Variants in AUTS2 observed in about 807,000 individuals in gnomAD.
AUTS2 encodes the protein autism susceptibility gene 2 protein.
AUTS2 carries 17 observed loss-of-function variants against 112.4 expected under a neutral mutation model. That is an observed-to-expected ratio of 0.15 (90% confidence interval 0.10 to 0.23). The LOEUF is 0.23. Ranked by LOEUF, AUTS2 falls within the 10% of genes least tolerant of loss-of-function variation. The probability of loss-of-function intolerance (pLI) is 1.00; values close to 1 mark genes in which losing one functional copy is unlikely to be tolerated. For synonymous variants in AUTS2, 751 were observed against 702.7 expected, an observed-to-expected ratio of 1.07 and a Z score of -1.09; for missense variants, 1,510 against 1,701.6, an observed-to-expected ratio of 0.89 and a Z score of 1.98.
chr7:70,421,225 T>C (rs1795206213), intron 4 of AUTS2, among the ~76,000 whole-genome samples: 1 of 152,216 alleles, frequency 6.6e-6, no homozygotes, highest in African/African-American at 2.4e-5. Context: ...AACATAATTT[T>C]TTAGTAAAAC....
intron 4 of AUTS2, among the ~76,000 whole-genome samples, chr7:70,367,497 A>G (rs1325623774): frequency 6.6e-6 from 1 of 151,786 alleles, no homozygotes; most frequent in Middle Eastern, 3.2e-3. Context: ...CGGAGCTTGC[A>G]GTGAGCTGAG....
intron 2 of AUTS2, among the ~76,000 whole-genome samples, chr7:69,980,329 G>A (rs957353369): frequency 6.6e-6 from 1 of 152,192 alleles, no homozygotes; most frequent in Admixed American, 6.5e-5. Context: ...AGGATCTCAA[G>A]ACAGTACAGA....
chr7:70,595,672 T>C (rs1803160905), intron 5 of AUTS2, among the ~76,000 whole-genome samples: 2 of 152,220 alleles, frequency 1.3e-5, no homozygotes, highest in African/African-American at 4.8e-5. Context: ...TCTGCTTCAG[T>C]TCCCTCCTCT....
At chr7:69,999,011 A>G (rs1422029421) in intron 2 of AUTS2, among the ~76,000 whole-genome samples, 1 of 152,130 alleles carries the variant, frequency 6.6e-6, no homozygotes, top group Non-Finnish European at 1.5e-5. Flanking sequence ...GCTATGTGAT[A>G]TGTTTACTAC....
chr7:69,651,723 T>C (rs1391705765), intron 1 of AUTS2, among the ~76,000 whole-genome samples: 1 of 152,236 alleles, frequency 6.6e-6, no homozygotes, highest in Non-Finnish European at 1.5e-5. Context: ...CTGTGGATTT[T>C]GAGTAAGATC....
intron 4 of AUTS2, among the ~76,000 whole-genome samples, chr7:70,145,351 G>A (rs556603169): frequency 6.6e-6 from 1 of 152,158 alleles, no homozygotes; most frequent in East Asian, 1.9e-4. Context: ...ACATGGAGAA[G>A]TGTGGAAACC....
chr7:70,755,220 G>C (rs1189578205), intron 6 of AUTS2, among the ~76,000 whole-genome samples: 2 of 151,922 alleles, frequency 1.3e-5, no homozygotes, highest in Non-Finnish European at 2.9e-5. Context: ...GCTGCAATGG[G>C]CTATGATCAC....
intron 4 of AUTS2, among the ~76,000 whole-genome samples, chr7:70,391,700 AAGC>A (rs534122710): frequency 7.9e-5 from 12 of 152,174 alleles, no homozygotes; most frequent in Non-Finnish European, 1.5e-4. Context: ...AAAAAATAAA[AAGC>A]AGCAAATTAA....
At chr7:69,926,595 T>A (rs939998893) in intron 2 of AUTS2, among the ~76,000 whole-genome samples, 1 of 152,010 alleles carries the variant, frequency 6.6e-6, no homozygotes, top group African/African-American at 2.4e-5. Context: ...GAGACTTTCA[T>A]GTTGCCATTT....
intron 1 of AUTS2, among the ~76,000 whole-genome samples, chr7:69,612,267 A>G (rs1388493606): frequency 6.6e-6 from 1 of 152,018 alleles, no homozygotes; most frequent in Non-Finnish European, 1.5e-5. Context: ...GCCCACCTGA[A>G]GGAGTTTTTT....
intron 4 of AUTS2, among the ~76,000 whole-genome samples, chr7:70,174,610 T>G (rs1488720210): frequency 6.6e-6 from 1 of 152,230 alleles, no homozygotes; most frequent in Non-Finnish European, 1.5e-5. Flanking sequence ...AGGAGGCTAA[T>G]GTAGCTGGTG....
At chr7:70,108,340 A>G (rs1331561386) in intron 2 of AUTS2, among the ~76,000 whole-genome samples, 1 of 152,230 alleles carries the variant, frequency 6.6e-6, no homozygotes, top group Non-Finnish European at 1.5e-5. Flanking sequence ...TAAAATGGAT[A>G]AACAGTAAAT....
At chr7:70,700,639 G>T (rs1809401115) in intron 6 of AUTS2, among the ~76,000 whole-genome samples, 2 of 152,174 alleles carry the variant, frequency 1.3e-5, no homozygotes, top group African/African-American at 2.4e-5. Context: ...GGACAGTTTT[G>T]TTAAGGGGAT....
chr7:69,680,473 A>G (rs1163465192), intron 1 of AUTS2, among the ~76,000 whole-genome samples: 1 of 152,186 alleles, frequency 6.6e-6, no homozygotes, highest in Non-Finnish European at 1.5e-5. Context: ...TACAAAGTGT[A>G]CCATCTTAAC....
At chr7:69,820,328 A>C (rs1790934746) in intron 1 of AUTS2, among the ~76,000 whole-genome samples, 1 of 152,126 alleles carries the variant, frequency 6.6e-6, no homozygotes, top group African/African-American at 2.4e-5. Context: ...GGGGAAGGAG[A>C]AGTTTAGGTC....
intron 4 of AUTS2, among the ~76,000 whole-genome samples, chr7:70,367,462 A>G (rs1366887307): frequency 6.6e-6 from 1 of 151,856 alleles, no homozygotes; most frequent in Non-Finnish European, 1.5e-5. Flanking sequence ...AGGCTAAGGC[A>G]GGAGAATGGC....
intron 2 of AUTS2, among the ~76,000 whole-genome samples, chr7:70,060,571 A>G (rs1490260111): frequency 2.0e-5 from 3 of 152,236 alleles, no homozygotes; most frequent in Non-Finnish European, 2.9e-5. Flanking sequence ...TGTTAATTCA[A>G]CACTTACTTT....
At chr7:70,090,046 T>TAAATA (rs1460843628) in intron 2 of AUTS2, among the ~76,000 whole-genome samples, 2 of 134,618 alleles carry the variant, frequency 1.5e-5, no homozygotes, top group Non-Finnish European at 3.3e-5. Context: ...ATAAATAAAT[T>TAAATA]TAAAAATAAT....
intron 5 of AUTS2, among the ~76,000 whole-genome samples, chr7:70,626,358 T>TAAA (rs10572995): frequency 8.8e-6 from 1 of 113,390 alleles, no homozygotes; most frequent in Non-Finnish European, 1.7e-5. Flanking sequence ...ACCTTGTTTC[T>TAAA]AAAAAAAAAA....
Sources: allele counts gnomAD v4.1 joint callset (sites outside exome capture counted in the v4.1 genomes callset), GRCh38; gene constraint gnomAD v4.1.1; transcripts MANE v1.5; gene names NCBI Gene and HGNC (gene_info 2026-07-23, HGNC 2026-07-21).